FANCD2: variants seen among roughly 807,000 people sequenced by gnomAD.
FANCD2 encodes Fanconi anemia group D2 protein.
FANCD2 carries 131 observed loss-of-function variants against 192.3 expected under a neutral mutation model. That is an observed-to-expected ratio of 0.68 (90% CI 0.59 to 0.79). The LOEUF is 0.79. Ranked by LOEUF, FANCD2 falls within the 30% of genes least tolerant of loss-of-function variation. FANCD2 has a pLI of 0.00. For missense variants in FANCD2, 1,508 were observed against 1,701.6 expected (o/e 0.89, Z 2.00); for synonymous variants, 524 against 612.5 (o/e 0.86, Z 2.13).
intron 18 of FANCD2, among the ~76,000 whole-genome samples, chr3:10,059,573 C>T (rs9837779): frequency 6.6e-6 from 1 of 152,122 alleles, no homozygotes; most frequent in Non-Finnish European, 1.5e-5. Context: ...GAGGCCAAGA[C>T]AGGCGGATCA....
Position 10,041,627 on chromosome 3 carries a change from C to G in FANCD2, c.700C>G (p.Leu234Val). The G allele has an allele frequency of 6.2e-7, 1 of 1,611,302 alleles. No individual in the cohort carries two copies. Among genetic ancestry groups the G allele is most frequent in the Non-Finnish European group, 8.5e-7 (1 of 1,177,640 alleles). Reference sequence around the variant, plus strand: ...TTCTTTTTCTACCATTCACAGTGACCTACTGATAGAGAATACTTCACTCAC... The same window carrying G: ...TTCTTTTTCTACCATTCACAGTGACGTACTGATAGAGAATACTTCACTCAC... Reference protein sequence around the residue: ...HADVGKELSDLLIENTSLTVP... With the variant: ...HADVGKELSDVLIENTSLTVP... The change falls in exon 10 of 44, where the codon CTA (leucine) becomes GTA (valine). Residue 234 changes from leucine to valine, a missense_variant. This residue lies in a region of FANCD2 where 435 missense variants were observed against 421.9 expected (regional missense o/e 1.03). Transcript: ENST00000675286.
chr3:10,044,652 T>G (rs143664007), intron 14 of FANCD2, among the ~76,000 whole-genome samples: 6 of 151,824 alleles, frequency 4.0e-5, no homozygotes, highest in African/African-American at 7.3e-5. Context: ...AGATTTTTCT[T>G]TGGTTGGAAT....
intron 7 of FANCD2, 24 bp downstream of exon 7, chr3:10,036,363 TTCAAAGTACCC>T (rs752328242): frequency 6.4e-7 from 1 of 1,564,752 alleles, no homozygotes; most frequent in Non-Finnish European, 8.8e-7. Flanking sequence ...TTATGGAATG[TTCAAAGTACCC>T]TGATGTACTT....
At chr3:10,042,454 A>T in intron 10 of FANCD2, 105 bp from the exon 11 acceptor site, 1 of 945,196 alleles carries the variant, frequency 1.1e-6, no homozygotes, top group Non-Finnish European at 1.7e-6. Flanking sequence ...AAGTGGGAAG[A>T]TGGAGTAAGA....
rs781344292 is a variant in FANCD2, at chr3:10,090,362, G to A, written c.3754G>A (p.Gly1252Ser). 3.7e-6 allele frequency: 6 copies of A among 1,611,480 alleles called. No homozygotes were observed. The South Asian group carries it at 6.6e-5, about 18-fold the overall frequency. ...GAAGACGGTGAAAAAAATTGAGCCT[G>A]GCACAGCAGCAGACTCGCAGCAGGT... ...LEKTVKKIEP[G>S]TAADSQQIHE... Residue 1252 changes from glycine to serine, a missense_variant, in exon 37 of 44, where the codon GGC becomes AGC. Around this residue, in one of 5 missense-constraint regions of FANCD2, gnomAD observed 796 missense variants for 879.4 expected, o/e 0.91. Coordinates refer to ENST00000675286, the MANE Select transcript of FANCD2 (RefSeq NM_001018115.3).
intron 30 of FANCD2, among the ~76,000 whole-genome samples, chr3:10,078,601 A>G (rs1423128960): frequency 6.8e-6 from 1 of 147,838 alleles, no homozygotes; most frequent in Admixed American, 6.7e-5. Flanking sequence ...TGATCCGCCC[A>G]CCTTGGCCTC....
At chr3:10,041,285 C>G (rs1452358601) in intron 9 of FANCD2, 1 of 305,426 alleles carries the variant, frequency 3.3e-6, no homozygotes, top group African/African-American at 2.2e-5. Context: ...ACATGTGTCT[C>G]TCATACTTAT....
At position 10,101,382 on chromosome 3, in the gene FANCD2, T is replaced by TC; in HGVS notation, c.*120_*121insC. 1 of 620,490 alleles carries TC rather than the reference T, an allele frequency of 1.6e-6. No homozygotes were observed. The allele number at this position is 620,490 out of a possible 1,614,324, so 38.4% of individuals were successfully genotyped here. ...TAGGATCCTTTTTTGTTCCTCTTTT[T>TC]TTTTTTTTTTTTTTTTTTTTAAAGA... On this transcript the variant is annotated 3_prime_UTR_variant, in exon 44 of 44. Transcript: ENST00000675286.
intron 7 of FANCD2, among the ~76,000 whole-genome samples, chr3:10,036,638 C>T (rs914940945): frequency 6.6e-6 from 1 of 151,878 alleles, no homozygotes; most frequent in Non-Finnish European, 1.5e-5. Flanking sequence ...AATTCAAGAC[C>T]AGCCTGGGCA....
chr3:10,087,090 A>G (rs750228398), intron 33 of FANCD2, 44 bp from the exon 34 acceptor site: 12 of 1,609,862 alleles, frequency 7.5e-6, no homozygotes, highest in East Asian at 2.2e-5. Context: ...TCTGTGACAC[A>G]TAGGATACTA....
intron 17 of FANCD2, among the ~76,000 whole-genome samples, chr3:10,051,313 G>A (rs1183239885): frequency 6.1e-5 from 9 of 148,200 alleles, no homozygotes; most frequent in Admixed American, 2.0e-4. Context: ...CCCAGGAGGC[G>A]GAGCTTGCAG....
chr3:10,087,054 G>T, intron 33 of FANCD2, 80 bp from the exon 34 acceptor site: 1 of 1,492,668 alleles, frequency 6.7e-7, no homozygotes. Flanking sequence ...AAAGGGACTT[G>T]GGCACGTCAT....
intron 25 of FANCD2, among the ~76,000 whole-genome samples, chr3:10,066,407 A>T (rs957154687): frequency 2.6e-5 from 4 of 152,180 alleles, no homozygotes; most frequent in African/African-American, 9.7e-5. Context: ...TATTTCAGGA[A>T]TGTTTGTGCA....
intron 26 of FANCD2, among the ~76,000 whole-genome samples, chr3:10,071,153 A>G (rs1428038065): frequency 2.0e-5 from 3 of 152,016 alleles, no homozygotes; most frequent in African/African-American, 7.2e-5. Flanking sequence ...AAAAGAAAAA[A>G]AAAAAAAGAT....
At chr3:10,080,389 G>A (rs1382488100) in intron 30 of FANCD2, among the ~76,000 whole-genome samples, 3 of 152,090 alleles carry the variant, frequency 2.0e-5, no homozygotes, top group Non-Finnish European at 2.9e-5. Context: ...ATGTGCCACC[G>A]CACTCAGCTA....
At position 10,043,520 on chromosome 3, in the gene FANCD2, T is replaced by G; in HGVS notation, c.1026T>G (p.Cys342Trp). Residue 342 changes from cysteine to tryptophan, a missense_variant, in exon 13 of 44, where the codon TGT becomes TGG. Around this residue, in one of 5 missense-constraint regions of FANCD2, gnomAD observed 435 missense variants for 421.9 expected, o/e 1.03. Coordinates refer to ENST00000675286, the MANE Select transcript of FANCD2 (RefSeq NM_001018115.3). ...SGNQESSGQS[C>W]IILLFDVIKS... The stretch of plus-strand genomic sequence containing the variant: ...ATCAAGAAAGCAGCGGTCAGAGCTG[T>G]ATTATTCTCCTCTTTGATGTAATAA... 3 of 1,613,954 alleles carry G rather than the reference T, an allele frequency of 1.9e-6. No homozygotes were observed. Among genetic ancestry groups the G allele is most frequent in the Non-Finnish European group, 2.5e-6 (3 of 1,179,828 alleles).
intron 7 of FANCD2, among the ~76,000 whole-genome samples, chr3:10,038,485 T>G (rs2086784406): frequency 6.6e-6 from 1 of 152,110 alleles, no homozygotes; most frequent in Non-Finnish European, 1.5e-5. Context: ...AAATGATAAT[T>G]GAGCCAACAT....
intron 18 of FANCD2, among the ~76,000 whole-genome samples, chr3:10,055,509 C>T (rs1387886165): frequency 6.6e-6 from 1 of 152,112 alleles, no homozygotes; most frequent in Non-Finnish European, 1.5e-5. Context: ...ATTCCCATTA[C>T]AGCTATAATA....
At chr3:10,046,399 T>G (rs2087011902) in intron 14 of FANCD2, 181 bp from the exon 15 acceptor site, 3 of 1,029,800 alleles carry the variant, frequency 2.9e-6, no homozygotes, top group Non-Finnish European at 4.2e-6. Context: ...TTGTGGCACT[T>G]TATTTATCTG....
Sources: gnomAD v4.1 joint callset for allele counts (sites outside exome capture counted in the v4.1 genomes callset) on GRCh38, gnomAD v4.1.1 for gene constraint, gnomAD v4.1.1 regional missense constraint, MANE v1.5 for transcripts, NCBI Gene and HGNC (gene_info 2026-07-23, HGNC 2026-07-21) for gene names.